The following LINGO2 variants were observed in gnomAD, a reference collection of about 807,000 sequenced individuals.
LINGO2 encodes leucine rich repeat and Ig domain containing 2.
Under a neutral mutation model 30.6 loss-of-function variants are expected in LINGO2, and 14 were observed. The ratio of observed to expected loss-of-function variants is 0.46; its 90% confidence interval spans 0.30 to 0.72. The LOEUF (loss-of-function observed/expected upper bound fraction) is 0.72, where lower values mean the gene tolerates loss of function less well. Ranked by LOEUF, LINGO2 falls within the 30% of genes least tolerant of loss-of-function variation. The probability of loss-of-function intolerance (pLI) is 0.07; values close to 1 mark genes in which losing one functional copy is unlikely to be tolerated. For synonymous variants in LINGO2, 317 were observed against 288.5 expected (o/e 1.10, Z -1.00); for missense variants, 729 against 751.7 (o/e 0.97, Z 0.35).
In LINGO2 at chr9:28,030,556, AAAT is replaced by A. The variant is rs1371402958; in HGVS notation, c.-86-18154_-86-18152del. On this transcript the variant is annotated intron_variant, in intron 4 of 5. Coordinates refer to ENST00000379992, the Ensembl canonical transcript of LINGO2. Reference sequence around the variant, plus strand: ...ATGTATAAAATGGCCTGGAAGTGGGAAATAATAAGTGTTGGCTACTCAATGCTT... The same window carrying A: ...ATGTATAAAATGGCCTGGAAGTGGGAAATAAGTGTTGGCTACTCAATGCTT... Among the ~76,000 whole-genome samples the A allele has an allele frequency of 6.6e-5, 10 of 152,304 alleles. No homozygotes were observed. In the South Asian group the frequency reaches 8.3e-4, roughly 13 times the overall value.
chr9:28,187,370 T>C (rs1475158104), intron 4 of LINGO2, among the ~76,000 whole-genome samples: 1 of 151,830 alleles, frequency 6.6e-6, no homozygotes, highest in Non-Finnish European at 1.5e-5. Context: ...AGGGCCTGTA[T>C]TCAAAGCTAC....
chr9:28,959,698 C>CT, the LINGO2 span, among the ~76,000 whole-genome samples: 1 of 151,142 alleles, frequency 6.6e-6, no homozygotes, highest in East Asian at 2.0e-4. Flanking sequence ...CCAGTTCTAT[C>CT]TAATACTGAA....
At chr9:28,056,853 C>T (rs1432160163) in intron 4 of LINGO2, among the ~76,000 whole-genome samples, 1 of 152,068 alleles carries the variant, frequency 6.6e-6, no homozygotes, top group African/African-American at 2.4e-5. Flanking sequence ...ATTCTCAGTT[C>T]ATGCTTTTTT....
the LINGO2 span, among the ~76,000 whole-genome samples, chr9:29,079,595 A>C: frequency 6.6e-6 from 1 of 151,612 alleles, no homozygotes. Context: ...GCCTATGGAA[A>C]ATATTTTCAA....
At chr9:28,798,312 A>G in the LINGO2 span, among the ~76,000 whole-genome samples, 1 of 152,118 alleles carries the variant, frequency 6.6e-6, no homozygotes, top group Non-Finnish European at 1.5e-5. Flanking sequence ...AAGAGGAAAC[A>G]TCTGCTGAAA....
At chr9:28,573,163 A>G (rs1360006053) in intron 1 of LINGO2, among the ~76,000 whole-genome samples, 1 of 152,170 alleles carries the variant, frequency 6.6e-6, no homozygotes, top group African/African-American at 2.4e-5. Context: ...GCTGAAGGCA[A>G]TCTTGAATTT....
At chr9:28,762,486 A>G in the LINGO2 span, among the ~76,000 whole-genome samples, 1 of 152,060 alleles carries the variant, frequency 6.6e-6, no homozygotes, top group African/African-American at 2.4e-5. Flanking sequence ...AGCAAAGGTG[A>G]TAATAGTCCC....
chr9:28,628,771 T>G (rs1030084102), intron 1 of LINGO2, among the ~76,000 whole-genome samples: 1 of 152,096 alleles, frequency 6.6e-6, no homozygotes. Context: ...TCAATAAAAT[T>G]ATTTCCTTCA....
intron 4 of LINGO2, among the ~76,000 whole-genome samples, chr9:28,230,415 T>A (rs771116952): frequency 2.8e-4 from 43 of 151,850 alleles, no homozygotes; most frequent in Non-Finnish European, 5.8e-4. Context: ...TCAGGTTTGT[T>A]TTTGAGGTCT....
the LINGO2 span, among the ~76,000 whole-genome samples, chr9:28,858,148 T>C: frequency 1.3e-5 from 2 of 152,138 alleles, no homozygotes; most frequent in African/African-American, 4.8e-5. Flanking sequence ...AACCTTGCTT[T>C]AGGAAGAGAA....
At chr9:29,078,669 A>C in the LINGO2 span, among the ~76,000 whole-genome samples, 2 of 151,968 alleles carry the variant, frequency 1.3e-5, no homozygotes, top group Non-Finnish European at 2.9e-5. Flanking sequence ...TATGCCAACC[A>C]AGTGCTTGTC....
chr9:28,873,607 G>C, the LINGO2 span, among the ~76,000 whole-genome samples: 5 of 152,142 alleles, frequency 3.3e-5, no homozygotes, highest in Non-Finnish European at 5.9e-5. Flanking sequence ...GTTTATGAAG[G>C]CTGTTGGTTG....
intron 4 of LINGO2, among the ~76,000 whole-genome samples, chr9:28,100,677 C>G (rs1826388473): frequency 6.6e-6 from 1 of 152,098 alleles, no homozygotes; most frequent in Non-Finnish European, 1.5e-5. Flanking sequence ...CATAAAGACC[C>G]CTGTGCAAAT....
At chr9:28,346,534 A>T (rs1819577652) in intron 3 of LINGO2, among the ~76,000 whole-genome samples, 1 of 152,286 alleles carries the variant, frequency 6.6e-6, no homozygotes, top group South Asian at 2.1e-4. Context: ...AACAATTTAT[A>T]TTCCTTTGGG....
chr9:28,151,203 G>A (rs182393316), intron 4 of LINGO2, among the ~76,000 whole-genome samples: 1 of 152,104 alleles, frequency 6.6e-6, no homozygotes, highest in African/African-American at 2.4e-5. Flanking sequence ...GTTCATTCTT[G>A]AATAGCAAAG....
intron 4 of LINGO2, among the ~76,000 whole-genome samples, chr9:28,086,397 C>T (rs894754476): frequency 3.3e-5 from 5 of 152,056 alleles, no homozygotes; most frequent in Non-Finnish European, 5.9e-5. Flanking sequence ...ATAATCTTTA[C>T]AAGATAAGTA....
chr9:29,154,397 C>T, the LINGO2 span, among the ~76,000 whole-genome samples: 2 of 139,890 alleles, frequency 1.4e-5, no homozygotes. Flanking sequence ...TTGCAGTGGG[C>T]GGAGATCGCG....
chr9:29,198,184 G>T, the LINGO2 span, among the ~76,000 whole-genome samples: 3 of 152,062 alleles, frequency 2.0e-5, no homozygotes, highest in Non-Finnish European at 4.4e-5. Context: ...GATGTTAAAA[G>T]GAGGCATTTT....
At chr9:28,924,258 T>TC in the LINGO2 span, among the ~76,000 whole-genome samples, 1 of 152,258 alleles carries the variant, frequency 6.6e-6, no homozygotes, top group Non-Finnish European at 1.5e-5. Context: ...TCTCACTCTG[T>TC]CACCCAGGCT....
Sources: allele counts gnomAD v4.1 joint callset (sites outside exome capture counted in the v4.1 genomes callset), GRCh38; gene constraint gnomAD v4.1.1; transcripts MANE v1.5; gene names NCBI Gene and HGNC (gene_info 2026-07-23, HGNC 2026-07-21).